Variants in CDKN2B-AS1 observed in about 807,000 individuals in gnomAD.
The protein encoded by CDKN2B-AS1 is CDKN2B antisense RNA 1 (non-protein coding).
chr9:21,996,245 C>CGG lies in CDKN2B-AS1; in HGVS notation n.29+1087_29+1088dup, dbSNP rs1030566332. On this transcript the variant is annotated intron_variant and non_coding_transcript_variant, in intron 1 of 4. Transcript: ENST00000650946. The surrounding 1 kb of genome is among the most constrained non-coding windows in gnomAD (Gnocchi z 5.4). ...ACCTCGGTACAAACCCAAGACAAAA[C>CGG]GGGGCCCTTTGGAAAAAGTGAGATT... Among the ~76,000 whole-genome samples, 2 of 152,146 alleles carry CGG rather than the reference C, an allele frequency of 1.3e-5. No individual in the cohort carries two copies. Among genetic ancestry groups the CGG allele is most frequent in the Non-Finnish European group, 2.9e-5 (2 of 68,032 alleles).
chr9:22,094,578 G>A (rs913251291), intron 4 of CDKN2B-AS1, among the ~76,000 whole-genome samples: 3 of 144,188 alleles, frequency 2.1e-5, no homozygotes, highest in African/African-American at 8.7e-5. Context: ...TTCCATCACT[G>A]ATACCCTTTC....
chr9:22,034,167 C>G (rs1822590656), intron 1 of CDKN2B-AS1, among the ~76,000 whole-genome samples: 1 of 152,064 alleles, frequency 6.6e-6, no homozygotes, highest in Non-Finnish European at 1.5e-5. Flanking sequence ...TTGTTGTTAC[C>G]TGGTTCTCAA....
intron 2 of CDKN2B-AS1, among the ~76,000 whole-genome samples, chr9:22,048,911 A>AAGAAC (rs1823220732): frequency 6.6e-6 from 1 of 152,186 alleles, no homozygotes; most frequent in South Asian, 2.1e-4. Flanking sequence ...CCTCTTAGGG[A>AAGAAC]TAGTGTGAGA....
At chr9:22,046,601 A>G (rs1563944516) in intron 1 of CDKN2B-AS1, 1 of 152,208 alleles carries the variant, frequency 6.6e-6, no homozygotes, top group Non-Finnish European at 1.5e-5. Flanking sequence ...GAGTATAGGT[A>G]TACCATATTC....
In CDKN2B-AS1 at chr9:22,029,385, C is replaced by A; in HGVS notation, n.30-17366C>A. Reference sequence around the variant, plus strand: ...ATGGAATGTTTAGTCTGAATCTAATCACATAGAGACTTGTCTGACAAATCC... The same window carrying A: ...ATGGAATGTTTAGTCTGAATCTAATAACATAGAGACTTGTCTGACAAATCC... On this transcript the variant is annotated intron_variant and non_coding_transcript_variant, in intron 1 of 4. Transcript: ENST00000650946. 3.9e-6 allele frequency: 3 copies of A among 776,518 alleles called. No homozygotes were observed. The South Asian group carries it at 4.1e-5, about 10-fold the overall frequency. The allele number at this position is 776,518 out of a possible 1,614,324, so 48.1% of individuals were successfully genotyped here. A position where few individuals can be genotyped will look rare whatever the true frequency, so the allele number is the denominator to read the frequency against.
intron 3 of CDKN2B-AS1, among the ~76,000 whole-genome samples, chr9:22,052,281 G>T (rs1052449092): frequency 2.0e-5 from 3 of 152,048 alleles, no homozygotes; most frequent in African/African-American, 7.2e-5. Context: ...GCCCTACATG[G>T]TCCCTAGAGC....
intron 4 of CDKN2B-AS1, chr9:22,113,682 T>G (rs1314975877): frequency 2.0e-5 from 3 of 152,126 alleles, no homozygotes; most frequent in Non-Finnish European, 4.4e-5. Context: ...AACATAGACG[T>G]AAGATCAAAT....
intron 4 of CDKN2B-AS1, among the ~76,000 whole-genome samples, chr9:22,087,024 T>C (rs1205869052): frequency 6.6e-6 from 1 of 152,194 alleles, no homozygotes; most frequent in Non-Finnish European, 1.5e-5. Context: ...GAGAACCCCA[T>C]TATTGGTCAG....
chr9:22,014,508 T>C (rs1246296230), intron 1 of CDKN2B-AS1, among the ~76,000 whole-genome samples: 3 of 152,242 alleles, frequency 2.0e-5, no homozygotes, highest in African/African-American at 7.2e-5. Flanking sequence ...ATCTACTTCA[T>C]TGCTTTCAGG....
chr9:22,086,217 GTGTT>G (rs1824864259), intron 4 of CDKN2B-AS1, among the ~76,000 whole-genome samples: 1 of 152,148 alleles, frequency 6.6e-6, no homozygotes, highest in Admixed American at 6.5e-5. Context: ...AGCTTGATCA[GTGTT>G]TGTTTAATGG....
chr9:22,102,575 G>A (rs80193630), intron 4 of CDKN2B-AS1, among the ~76,000 whole-genome samples: 2 of 151,826 alleles, frequency 1.3e-5, no homozygotes, highest in African/African-American at 2.4e-5. Context: ...TTTGTGGCTT[G>A]TGGCTGTATC....
chr9:22,025,270 G>A (rs1822184894), intron 1 of CDKN2B-AS1, among the ~76,000 whole-genome samples: 1 of 152,196 alleles, frequency 6.6e-6, no homozygotes, highest in South Asian at 2.1e-4. Context: ...GCTGGGGGGT[G>A]GGGTGGGACC....
chr9:22,041,613 T>C lies in CDKN2B-AS1; in HGVS notation n.30-5138T>C, dbSNP rs1822899514. Among the ~76,000 whole-genome samples, 7 of 152,248 alleles carry C rather than the reference T, an allele frequency of 4.6e-5. No homozygotes were observed. In the South Asian group the frequency reaches 1.4e-3, roughly 32 times the overall value. On this transcript the variant is annotated intron_variant and non_coding_transcript_variant, in intron 1 of 4. Coordinates refer to ENST00000650946, the Ensembl canonical transcript of CDKN2B-AS1. ...GTTGTAAATGGAAAGAGTTAAGCTC[T>C]CTGAATCTACTGCTGAAAGGTGAAA...
chr9:22,123,784 A>G (rs908268369), intron 4 of CDKN2B-AS1, among the ~76,000 whole-genome samples: 9 of 152,220 alleles, frequency 5.9e-5, no homozygotes, highest in Non-Finnish European at 1.5e-5. Flanking sequence ...GGACAAATGG[A>G]TGCAAATAGA....
intron 4 of CDKN2B-AS1, among the ~76,000 whole-genome samples, chr9:22,091,808 A>G (rs1825097237): frequency 6.6e-6 from 1 of 152,156 alleles, no homozygotes; most frequent in East Asian, 1.9e-4. Context: ...ATTGAATACT[A>G]TTTATTTCCT....
At chr9:22,061,737 G>A (rs1452618855) in intron 4 of CDKN2B-AS1, among the ~76,000 whole-genome samples, 3 of 152,018 alleles carry the variant, frequency 2.0e-5, no homozygotes, top group African/African-American at 7.2e-5. Context: ...TAATGGTTAA[G>A]GTATTTCTCC....
At chr9:22,106,367 CA>C (rs1332412158) in intron 4 of CDKN2B-AS1, among the ~76,000 whole-genome samples, 1 of 152,170 alleles carries the variant, frequency 6.6e-6, no homozygotes, top group Non-Finnish European at 1.5e-5. Flanking sequence ...AGGCATGAGC[CA>C]CTGTGCCCGG....
At chr9:22,102,239 G>A (rs897284482) in intron 4 of CDKN2B-AS1, among the ~76,000 whole-genome samples, 2 of 151,810 alleles carry the variant, frequency 1.3e-5, no homozygotes, top group South Asian at 2.1e-4. Flanking sequence ...TTTTTTCCCC[G>A]GCTTTGAAAC....
At chr9:22,068,341 A>G (rs139717884) in intron 4 of CDKN2B-AS1, among the ~76,000 whole-genome samples, 1 of 152,306 alleles carries the variant, frequency 6.6e-6, no homozygotes, top group Admixed American at 6.5e-5. Context: ...AGGGAAGGAA[A>G]GCTCAGAATG....
Sources: gnomAD v4.1 joint callset for allele counts (sites outside exome capture counted in the v4.1 genomes callset) on GRCh38, gnomAD v4.1.1 for gene constraint, Gnocchi (gnomAD v3.1) non-coding constraint, MANE v1.5 for transcripts, NCBI Gene and HGNC (gene_info 2026-07-23, HGNC 2026-07-21) for gene names.